Variants in UNC13C observed in about 807,000 individuals in gnomAD.
The protein encoded by UNC13C is unc-13 homolog C, also known as protein unc-13 homolog C.
UNC13C carries 174 observed loss-of-function variants against 245.4 expected under a neutral mutation model. That is an observed-to-expected ratio of 0.71 (90% CI 0.63 to 0.80). The LOEUF is 0.80. Ranked by LOEUF, UNC13C falls within the 30% of genes least tolerant of loss-of-function variation. The pLI, the probability that UNC13C is intolerant of heterozygous loss-of-function variation, is 0.00. For missense variants in UNC13C, 2,829 were observed against 2,602.9 expected (o/e 1.09, Z -1.89); for synonymous variants, 992 against 895.1 (o/e 1.11, Z -1.93).
intron 19 of UNC13C, among the ~76,000 whole-genome samples, chr15:54,483,873 C>T (rs1462383192): frequency 6.6e-6 from 1 of 152,004 alleles, no homozygotes; most frequent in Admixed American, 6.5e-5. Context: ...TCTTTGTCTC[C>T]CTCTCACCTT....
the UNC13C span, among the ~76,000 whole-genome samples, chr15:53,920,427 G>A: frequency 2.0e-5 from 3 of 152,106 alleles, no homozygotes; most frequent in Non-Finnish European, 4.4e-5. Flanking sequence ...GGTGGTGTGT[G>A]CCTGTAATCT....
chr15:54,255,042 C>T (rs533940457), intron 8 of UNC13C, among the ~76,000 whole-genome samples: 18 of 152,244 alleles, frequency 1.2e-4, no homozygotes, highest in African/African-American at 3.1e-4. Flanking sequence ...TTCAGTGCCC[C>T]GCTTCTCAGA....
At chr15:54,210,599 T>C (rs1244582365) in intron 4 of UNC13C, among the ~76,000 whole-genome samples, 1 of 152,150 alleles carries the variant, frequency 6.6e-6, no homozygotes, top group South Asian at 2.1e-4. Flanking sequence ...TGTTTATATG[T>C]CTCTTTAAGG....
At chr15:54,105,443 T>C (rs1050652262) in intron 2 of UNC13C, among the ~76,000 whole-genome samples, 2 of 152,214 alleles carry the variant, frequency 1.3e-5, no homozygotes, top group Non-Finnish European at 2.9e-5. Flanking sequence ...ATTAGACCCT[T>C]TCCCATTCTC....
intron 22 of UNC13C, among the ~76,000 whole-genome samples, chr15:54,504,008 A>T (rs1449893183): frequency 6.6e-6 from 1 of 152,158 alleles, no homozygotes; most frequent in Non-Finnish European, 1.5e-5. Context: ...ATATAAGACT[A>T]AAAAAGGTAC....
chr15:54,456,720 A>C (rs761823944), intron 19 of UNC13C, among the ~76,000 whole-genome samples: 1 of 151,878 alleles, frequency 6.6e-6, no homozygotes, highest in Admixed American at 6.6e-5. Flanking sequence ...ATTTGTGTAC[A>C]TTGATTTTGT....
intron 17 of UNC13C, among the ~76,000 whole-genome samples, chr15:54,392,321 A>G (rs1048629716): frequency 1.3e-5 from 2 of 152,066 alleles, no homozygotes; most frequent in East Asian, 3.9e-4. Context: ...GTAAATCTAG[A>G]TCATCCTATG....
chr15:54,005,536 C>T (rs1206315438), intron 1 of UNC13C, among the ~76,000 whole-genome samples: 1 of 152,170 alleles, frequency 6.6e-6, no homozygotes, highest in Non-Finnish European at 1.5e-5. Flanking sequence ...GCACTCAAGA[C>T]AATGCCTGGC....
At chr15:54,224,954 C>T (rs896042935) in intron 4 of UNC13C, among the ~76,000 whole-genome samples, 10 of 150,728 alleles carry the variant, frequency 6.6e-5, no homozygotes, top group Non-Finnish European at 1.3e-4. Flanking sequence ...ATAGTAGCCT[C>T]CAATGATCCT....
intron 13 of UNC13C, among the ~76,000 whole-genome samples, chr15:54,300,697 C>G (rs2140946428): frequency 6.6e-6 from 1 of 152,226 alleles, no homozygotes; most frequent in Non-Finnish European, 1.5e-5. Flanking sequence ...GGGTGGAATC[C>G]AGCAACCTAT....
chr15:53,905,797 G>T, the UNC13C span, among the ~76,000 whole-genome samples: 7 of 152,142 alleles, frequency 4.6e-5, no homozygotes, highest in Admixed American at 6.5e-5. Flanking sequence ...GTAACTATGT[G>T]AGGTGATGGA....
At chr15:53,932,801 G>C in the UNC13C span, among the ~76,000 whole-genome samples, 1 of 152,006 alleles carries the variant, frequency 6.6e-6, no homozygotes, top group African/African-American at 2.4e-5. Context: ...TGCATACTTA[G>C]GCCTAGGTCA....
chr15:54,430,368 T>C (rs911756079), intron 19 of UNC13C, among the ~76,000 whole-genome samples: 3 of 151,704 alleles, frequency 2.0e-5, no homozygotes, highest in African/African-American at 7.3e-5. Flanking sequence ...AAATTTGTGG[T>C]CAGTTGTAAA....
At chr15:54,356,568 A>G (rs1168687797) in intron 17 of UNC13C, among the ~76,000 whole-genome samples, 1 of 152,104 alleles carries the variant, frequency 6.6e-6, no homozygotes, top group Non-Finnish European at 1.5e-5. Flanking sequence ...CAAGGTAGTG[A>G]CTTCTTGCTG....
intron 4 of UNC13C, among the ~76,000 whole-genome samples, chr15:54,199,418 A>T (rs1343873817): frequency 6.6e-6 from 1 of 152,154 alleles, no homozygotes; most frequent in African/African-American, 2.4e-5. Context: ...AGACAAAGGA[A>T]AGAATCTTAA....
At chr15:54,090,600 G>A (rs1899513359) in intron 2 of UNC13C, among the ~76,000 whole-genome samples, 1 of 152,158 alleles carries the variant, frequency 6.6e-6, no homozygotes, top group Admixed American at 6.5e-5. Context: ...CAATTATGTT[G>A]TATTTAGCCA....
At chr15:53,968,695 T>G in the UNC13C span, among the ~76,000 whole-genome samples, 114 of 152,290 alleles carry the variant, frequency 7.5e-4, 1 homozygote, top group African/African-American at 2.0e-3. Context: ...TGTTTGTAAT[T>G]TGAGTTTGAG....
chr15:54,488,355 T>G (rs1357213857), intron 19 of UNC13C, among the ~76,000 whole-genome samples: 2 of 152,206 alleles, frequency 1.3e-5, no homozygotes, highest in African/African-American at 4.8e-5. Flanking sequence ...CCATTCATAT[T>G]ACCACCTATT....
At chr15:54,332,196 T>C in intron 15 of UNC13C, 85 bp downstream of exon 15, 2 of 924,102 alleles carry the variant, frequency 2.2e-6, no homozygotes, top group South Asian at 1.8e-5. Flanking sequence ...ACCCATCATG[T>C]AATAGAAAAA....
Sources: allele counts gnomAD v4.1 joint callset (sites outside exome capture counted in the v4.1 genomes callset), GRCh38; gene constraint gnomAD v4.1.1; transcripts MANE v1.5; gene names NCBI Gene and HGNC (gene_info 2026-07-23, HGNC 2026-07-21).